Variants in CCNA2 observed in about 807,000 individuals in gnomAD.
CCNA2 encodes cyclin A2, also known as cyclin-A2.
In CCNA2, 3 loss-of-function variants were observed where a neutral mutation model predicts 49.4. That is an observed-to-expected ratio of 0.06 (90% CI 0.03 to 0.16). The LOEUF (loss-of-function observed/expected upper bound fraction) is 0.16, where lower values mean the gene tolerates loss of function less well. Among genes scored for constraint, CCNA2 ranks in the 10% least tolerant of loss-of-function variants. The pLI, the probability that CCNA2 is intolerant of heterozygous loss-of-function variation, is 1.00. For missense variants in CCNA2, 372 were observed against 519.7 expected (o/e 0.72, Z 2.76); for synonymous variants, 206 against 197.2 (o/e 1.04, Z -0.37).
rs1015639788 is a variant in CCNA2, at chr4:121,820,312, TG to T, written c.794+229del. On this transcript the variant is annotated intron_variant, in intron 4 of 7. Transcript: ENST00000274026. This position sits in a 1 kb window ranked among gnomAD's most constrained non-coding sequence, Gnocchi z 4.1. ...ATTGGAAGGAAAATGTTTTAAAATT[TG>T]TAACCTAGTGTACTATATCATGTTC... 6.6e-6 allele frequency among the ~76,000 whole-genome samples: 1 copy of T among 152,296 alleles called. No homozygotes were observed. The highest frequency in any genetic ancestry group is 2.4e-5 in the African/African-American group (1 of 41,566).
In CCNA2 at chr4:121,818,175, A is replaced by G; in HGVS notation, c.1119T>C (p.Pro373=). The G allele has an allele frequency of 6.2e-7, 1 of 1,612,102 alleles. No homozygotes were observed. Among genetic ancestry groups the G allele is most frequent in the Non-Finnish European group, 8.5e-7 (1 of 1,179,316 alleles). The change falls in exon 7 of 8, where the codon CCT becomes CCC. Residue 373 remains proline, a splice_region_variant and synonymous_variant. Coordinates refer to ENST00000274026, the MANE Select transcript of CCNA2 (RefSeq NM_001237.5). ...ALYTVTGQSW[P]ESLIRKTGYT... is the part of the protein sequence containing the mutation. ...ATCCAGTCTTTCGTATTAATGATTCAGGCTACAGAGAAGGGAATAGAGAAC... is the reference window on the plus strand; with the variant it reads ...ATCCAGTCTTTCGTATTAATGATTCGGGCTACAGAGAAGGGAATAGAGAAC...
At chr4:121,822,376 T>C (rs1188258292) in intron 2 of CCNA2, 27 bp downstream of exon 2, 2 of 1,602,628 alleles carry the variant, frequency 1.2e-6, no homozygotes, top group South Asian at 2.2e-5. Flanking sequence ...TTACCGTAAT[T>C]CCACACAGAT....
At chr4:121,821,477 T>G (rs1395232214) in intron 2 of CCNA2, among the ~76,000 whole-genome samples, 1 of 152,128 alleles carries the variant, frequency 6.6e-6, no homozygotes, top group Non-Finnish European at 1.5e-5. Flanking sequence ...CAAGAGAAAC[T>G]GCAGATCCCA....
chr4:121,820,613 C>T lies in CCNA2; in HGVS notation c.723G>A (p.Arg241=), dbSNP rs1477330374. 1 of 1,614,144 alleles carries T rather than the reference C, an allele frequency of 6.2e-7. No homozygotes were observed. Among genetic ancestry groups the T allele is most frequent in the Non-Finnish European group, 8.5e-7 (1 of 1,179,996 alleles). Residue 241 remains arginine, a synonymous_variant, in exon 4 of 8, where the codon AGG becomes AGA. Coordinates refer to ENST00000274026, the MANE Select transcript of CCNA2 (RefSeq NM_001237.5). This position sits in a 1 kb window ranked among gnomAD's most constrained non-coding sequence, Gnocchi z 4.1. ...TLHLAVNYID[R]FLSSMSVLRG... is the part of the protein sequence containing the mutation. Reference sequence around the variant, plus strand: ...TCAGCACTGACATGGAAGACAGGAACCTATCAATGTAGTTCACAGCCAAAT... The same window carrying T: ...TCAGCACTGACATGGAAGACAGGAATCTATCAATGTAGTTCACAGCCAAAT...
chr4:121,817,985 C>CA, intron 7 of CCNA2, 59 bp downstream of exon 7: 1 of 1,505,240 alleles, frequency 6.6e-7, no homozygotes, highest in Non-Finnish European at 9.1e-7. Flanking sequence ...GTTAAAATGT[C>CA]AAAGATCTCT....
At chr4:121,823,148 T>G (rs1479265800) in intron 1 of CCNA2, among the ~76,000 whole-genome samples, 1 of 152,138 alleles carries the variant, frequency 6.6e-6, no homozygotes, top group Non-Finnish European at 1.5e-5. Context: ...ACTACACGTT[T>G]TAGAGCTTGG....
chr4:121,820,515 C>G lies in CCNA2; in HGVS notation c.794+27G>C. The G allele has an allele frequency of 6.4e-7, 1 of 1,556,104 alleles. No individual in the cohort carries two copies. The highest frequency in any genetic ancestry group is 2.3e-5 in the East Asian group (1 of 44,414). On this transcript the variant is annotated intron_variant, in intron 4 of 7. Coordinates refer to ENST00000274026, the MANE Select transcript of CCNA2 (RefSeq NM_001237.5). The surrounding 1 kb of genome is among the most constrained non-coding windows in gnomAD (Gnocchi z 4.1). ...TTCCCTAGACAAAAGGTCGTGATCA[C>G]TTTTAAACAAACCAAGGTAGACTTA...
rs3217763 is a variant in CCNA2 at position 121,820,507 on chromosome 4, C to T, written c.794+35G>A. Reference sequence around the variant, plus strand: ...TCAATTTCTTCCCTAGACAAAAGGTCGTGATCACTTTTAAACAAACCAAGG... The same window carrying T: ...TCAATTTCTTCCCTAGACAAAAGGTTGTGATCACTTTTAAACAAACCAAGG... On this transcript the variant is annotated intron_variant, in intron 4 of 7. Coordinates refer to ENST00000274026, the MANE Select transcript of CCNA2 (RefSeq NM_001237.5). The surrounding 1 kb of genome is among the most constrained non-coding windows in gnomAD (Gnocchi z 4.1). 9,089 of 1,456,806 alleles carry T rather than the reference C, an allele frequency of 6.2e-3. 429 individuals are homozygous for T. The Admixed American group carries it at 0.095, about 15-fold the overall frequency. 90.2% of individuals were successfully genotyped at this position (1,456,806 alleles called of 1,614,324 possible). A position where few individuals can be genotyped will look rare whatever the true frequency, so the allele number is the denominator to read the frequency against.
rs1560632022 is a variant in CCNA2, at chr4:121,819,534, G to A, written c.840C>T (p.Tyr280=). The A allele has an allele frequency of 1.9e-6, 3 of 1,613,888 alleles. No homozygotes were observed. The highest frequency in any genetic ancestry group is 2.5e-6 in the Non-Finnish European group (3 of 1,179,828). Residue 280 remains tyrosine (Y), a synonymous_variant, in exon 5 of 8, where the codon TAC becomes TAT. Transcript: ENST00000274026. Reference sequence around the variant, plus strand: ...TCTTGGTGTAGGTATCATCTGTAATGTACACAAACTCTGCTACTTCTGGGG... The same window carrying A: ...TCTTGGTGTAGGTATCATCTGTAATATACACAAACTCTGCTACTTCTGGGG... ...IYPPEVAEFV[Y]ITDDTYTKKQ...
Position 121,822,253 on chromosome 4 carries a change from G to A in CCNA2, c.457+150C>T, listed in dbSNP as rs1042970923. ...GTCAAGTGTTAGCTGTGAGATCTGAGATAAGTCACATCCTTTCTAAGCCTT... is the reference window on the plus strand; with the variant it reads ...GTCAAGTGTTAGCTGTGAGATCTGAAATAAGTCACATCCTTTCTAAGCCTT... On this transcript the variant is annotated intron_variant, in intron 2 of 7. Transcript: ENST00000274026. The A allele has an allele frequency of 8.5e-5, 65 of 761,376 alleles. No individual in the cohort carries two copies. The Admixed American group carries it at 1.9e-3, about 22-fold the overall frequency. The allele number at this position is 761,376 out of a possible 1,614,324, so 47.2% of individuals were successfully genotyped here.
rs1359596767 is a variant in CCNA2, at chr4:121,817,414, A to ATACTT, written c.*219_*223dup. 4.5e-6 allele frequency: 2 copies of ATACTT among 447,972 alleles called. No homozygotes were observed. Among genetic ancestry groups the ATACTT allele is most frequent in the South Asian group, 4.5e-5 (1 of 22,408 alleles). 27.7% of individuals were successfully genotyped at this position (447,972 alleles called of 1,614,324 possible). ...ATTATCCTGACAGCTGGCATCATTA[A>ATACTT]TACTTTAACAAAACCACTTAAAATT... On this transcript the variant is annotated 3_prime_UTR_variant, in exon 8 of 8. Coordinates refer to ENST00000274026, the MANE Select transcript of CCNA2 (RefSeq NM_001237.5).
chr4:121,821,086 G>A lies in CCNA2; in HGVS notation c.463C>T (p.Pro155Ser). 1.9e-6 allele frequency: 3 copies of A among 1,612,410 alleles called. No individual in the cohort carries two copies. Among genetic ancestry groups the A allele is most frequent in the South Asian group, 1.1e-5 (1 of 90,870 alleles). ...ATAATTGACATGTCCATAGTATGTG[G>A]TGACTCTGGGACAATTCAAAAGATA... Reference protein sequence around the residue: ...DYPMDGSFESPHTMDMSIILE... With the variant: ...DYPMDGSFESSHTMDMSIILE... Residue 155 changes from proline to serine, a missense_variant, in exon 3 of 8, where the codon CCA becomes TCA. By Grantham distance (74) the Pro-to-Ser change is moderately conservative. Coordinates refer to ENST00000274026, the MANE Select transcript of CCNA2 (RefSeq NM_001237.5).
intron 2 of CCNA2, 57 bp downstream of exon 2, chr4:121,822,346 A>G: frequency 6.6e-7 from 1 of 1,517,974 alleles, no homozygotes; most frequent in Non-Finnish European, 9.0e-7. Flanking sequence ...CAAATCATTA[A>G]TATCATCTAA....
chr4:121,818,411 G>C (rs1273400817), intron 6 of CCNA2, among the ~76,000 whole-genome samples: 1 of 152,108 alleles, frequency 6.6e-6, no homozygotes, highest in Non-Finnish European at 1.5e-5. Context: ...TTACAACTAA[G>C]CTTACTACCT....
Position 121,817,140 on chromosome 4 carries a change from ATC to A in CCNA2, c.*496_*497del, listed in dbSNP as rs992058989. The A allele has an allele frequency of 6.1e-6, 2 of 330,304 alleles. No individual in the cohort carries two copies. Among genetic ancestry groups the A allele is most frequent in the Admixed American group, 4.6e-5 (1 of 21,656 alleles). The allele number at this position is 330,304 out of a possible 1,614,324, so 20.5% of individuals were successfully genotyped here. A position where few individuals can be genotyped will look rare whatever the true frequency, so the allele number is the denominator to read the frequency against. Reference sequence around the variant, plus strand: ...TACAAAGAGCGAAAAAGTCTGGGGAATCTCTACTGTATCTATCTCTGAATACT... The same window carrying A: ...TACAAAGAGCGAAAAAGTCTGGGGAATCTACTGTATCTATCTCTGAATACT... On this transcript the variant is annotated 3_prime_UTR_variant, in exon 8 of 8. Coordinates refer to ENST00000274026, the MANE Select transcript of CCNA2 (RefSeq NM_001237.5).
At position 121,822,655 on chromosome 4, in the gene CCNA2, AAATT is replaced by A. The variant is rs1260743940; in HGVS notation, c.214-13_214-10del. On this transcript the variant is annotated splice_polypyrimidine_tract_variant and intron_variant, in intron 1 of 7. Coordinates refer to ENST00000274026, the MANE Select transcript of CCNA2 (RefSeq NM_001237.5). ...TCCTTAAGGGGTGCAACCTAAAAAA[AAATT>A]AATAACTGGCTTTGAGCCTACTAGT... The A allele has an allele frequency of 6.2e-7, 1 of 1,609,874 alleles. No homozygotes were observed. The highest frequency in any genetic ancestry group is 1.3e-5 in the African/African-American group (1 of 74,526).
chr4:121,819,549 T>C lies in CCNA2; in HGVS notation c.825A>G (p.Val275=), dbSNP rs1278044684. The C allele has an allele frequency of 6.2e-7, 1 of 1,613,662 alleles. No homozygotes were observed. Among genetic ancestry groups the C allele is most frequent in the Non-Finnish European group, 8.5e-7 (1 of 1,179,680 alleles). ...SKFEEIYPPE[V]AEFVYITDDT... ...CATCTGTAATGTACACAAACTCTGCTACTTCTGGGGGGTATATTTCTTCAA... is the reference window on the plus strand; with the variant it reads ...CATCTGTAATGTACACAAACTCTGCCACTTCTGGGGGGTATATTTCTTCAA... The change falls in exon 5 of 8, where the codon GTA becomes GTG. Residue 275 remains valine, a synonymous_variant. Transcript: ENST00000274026.
At position 121,817,682 on chromosome 4, in the gene CCNA2, G is replaced by GC; in HGVS notation, c.1254_1255insG (p.His419AlafsTer39). 2 of 1,613,622 alleles carry GC rather than the reference G, an allele frequency of 1.2e-6. No homozygotes were observed. ...GGTGGGTTGAGGAGAGAAACACCATGATACCTGTAAGTAGGGAAAAAAAAA... is the reference window on the plus strand; with the variant it reads ...GGTGGGTTGAGGAGAGAAACACCATGCATACCTGTAAGTAGGGAAAAAAAAA... On this transcript the variant is annotated frameshift_variant, in exon 8 of 8. Transcript: ENST00000274026. LOFTEE classifies it high-confidence loss of function.
Position 121,818,817 on chromosome 4 carries a change from C to A in CCNA2, c.1099G>T (p.Val367Phe). Residue 367 changes from valine (V) to phenylalanine (F), a missense_variant, in exon 6 of 8, where the codon GTC becomes TTC. Val to Phe is a conservative substitution (Grantham distance 50). Around this residue, in one of 2 missense-constraint regions of CCNA2, gnomAD observed 155 missense variants for 288.1 expected, o/e 0.54. Coordinates refer to ENST00000274026, the MANE Select transcript of CCNA2 (RefSeq NM_001237.5). ...ATACATACCCAGCTTTGTCCCGTGACTGTGTAGAGTGCTAAATGAAAGGCA... is the reference window on the plus strand; with the variant it reads ...ATACATACCCAGCTTTGTCCCGTGAATGTGTAGAGTGCTAAATGAAAGGCA... ...GAAFHLALYT[V>F]TGQSWPESLI... 1 of 1,610,400 alleles carries A rather than the reference C, an allele frequency of 6.2e-7. No individual in the cohort carries two copies. Among genetic ancestry groups the A allele is most frequent in the Non-Finnish European group, 8.5e-7 (1 of 1,176,634 alleles).
Sources: allele counts gnomAD v4.1 joint callset (sites outside exome capture counted in the v4.1 genomes callset), GRCh38; gene constraint gnomAD v4.1.1; regional missense constraint gnomAD v4.1.1; non-coding constraint Gnocchi (gnomAD v3.1); transcripts MANE v1.5; gene names NCBI Gene and HGNC (gene_info 2026-07-23, HGNC 2026-07-21).